Variants in SORCS2 observed in about 807,000 individuals in gnomAD.
SORCS2 encodes VPS10 domain-containing receptor SorCS2.
In SORCS2, 100 loss-of-function variants were observed where a neutral mutation model predicts 141.6. That is an observed-to-expected ratio of 0.71 (90% CI 0.60 to 0.83). SORCS2 has a LOEUF of 0.83. Among genes scored for constraint, SORCS2 ranks in the 40% least tolerant of loss-of-function variants. The probability of loss-of-function intolerance (pLI) is 0.00; values close to 1 mark genes in which losing one functional copy is unlikely to be tolerated. For missense variants in SORCS2, 1,646 were observed against 1,560.2 expected, an observed-to-expected ratio of 1.05 and a Z score of -0.93; for synonymous variants, 789 against 676.9, an observed-to-expected ratio of 1.17 and a Z score of -2.57.
intron 1 of SORCS2, among the ~76,000 whole-genome samples, chr4:7,369,118 C>T (rs938323082): frequency 1.3e-5 from 2 of 152,094 alleles, no homozygotes; most frequent in African/African-American, 4.8e-5. Context: ...ACCAGCCTGG[C>T]TAACATGGTG....
At chr4:7,403,997 A>ATATATATATTTTTT (rs1265288820) in intron 2 of SORCS2, among the ~76,000 whole-genome samples, 1 of 19,004 alleles carries the variant, frequency 5.3e-5, no homozygotes, top group Non-Finnish European at 1.2e-4. Flanking sequence ...ATATATATAT[A>ATATATATATTTTTT]TTTTTTTTTT....
chr4:7,261,090 C>T (rs1714288821), intron 1 of SORCS2, among the ~76,000 whole-genome samples: 1 of 152,212 alleles, frequency 6.6e-6, no homozygotes, highest in South Asian at 2.1e-4. Context: ...CTGGCTTTCC[C>T]CTGTATGGTC....
intron 3 of SORCS2, among the ~76,000 whole-genome samples, chr4:7,565,867 GAT>G: frequency 6.9e-6 from 1 of 145,194 alleles, no homozygotes; most frequent in South Asian, 2.3e-4. Flanking sequence ...TGATGGTGAT[GAT>G]GTGATGATGG....
At chr4:7,444,077 G>A (rs1302583048) in intron 2 of SORCS2, among the ~76,000 whole-genome samples, 1 of 152,234 alleles carries the variant, frequency 6.6e-6, no homozygotes, top group East Asian at 1.9e-4. Context: ...CTCCTTCCCT[G>A]TTAGAAGAGG....
chr4:7,623,703 C>T (rs534539927), intron 3 of SORCS2, among the ~76,000 whole-genome samples: 1 of 152,280 alleles, frequency 6.6e-6, no homozygotes, highest in African/African-American at 2.4e-5. Flanking sequence ...TGGTCTTACC[C>T]CACTCCCCCT....
chr4:7,626,884 G>A (rs961012219), intron 3 of SORCS2, among the ~76,000 whole-genome samples: 17 of 152,124 alleles, frequency 1.1e-4, no homozygotes, highest in Non-Finnish European at 2.2e-4. Context: ...TGAAAAATTC[G>A]AGTCCCAGTA....
Position 7,531,640 on chromosome 4 carries a change from G to T in SORCS2, c.648+11G>T. On this transcript the variant is annotated intron_variant, in intron 3 of 26. Transcript: ENST00000507866. Reference sequence around the variant, plus strand: ...ACCAACAAGAGGAAGGTAGGTGCTGGCTGGGGGTGGCCGCCACTCTGGCTC... The same window carrying T: ...ACCAACAAGAGGAAGGTAGGTGCTGTCTGGGGGTGGCCGCCACTCTGGCTC... The T allele has an allele frequency of 1.9e-6, 3 of 1,610,098 alleles. No individual in the cohort carries two copies. Among genetic ancestry groups the T allele is most frequent in the Non-Finnish European group, 2.5e-6 (3 of 1,178,034 alleles).
intron 2 of SORCS2, among the ~76,000 whole-genome samples, chr4:7,501,049 T>C (rs2109429609): frequency 6.6e-6 from 1 of 152,322 alleles, no homozygotes; most frequent in African/African-American, 2.4e-5. Flanking sequence ...GGTGATTTCA[T>C]CTTGGGACCG....
intron 25 of SORCS2, among the ~76,000 whole-genome samples, chr4:7,736,405 G>A (rs1004013004): frequency 3.8e-4 from 58 of 152,228 alleles, no homozygotes; most frequent in African/African-American, 1.3e-3. Flanking sequence ...GAGGGCTGGC[G>A]ATGTTCATCA....
chr4:7,665,369 A>C (rs1384635072), intron 7 of SORCS2, among the ~76,000 whole-genome samples: 2 of 152,156 alleles, frequency 1.3e-5, no homozygotes, highest in Non-Finnish European at 2.9e-5. Flanking sequence ...CACTGATCCT[A>C]ACCTCCAGCC....
chr4:7,279,979 C>A (rs373831070), intron 1 of SORCS2, among the ~76,000 whole-genome samples: 14 of 151,510 alleles, frequency 9.2e-5, no homozygotes, highest in African/African-American at 3.4e-4. Flanking sequence ...AAACTTCAGA[C>A]CTCAAAGCTG....
chr4:7,242,700 A>G (rs1712785455), intron 1 of SORCS2, among the ~76,000 whole-genome samples: 1 of 152,162 alleles, frequency 6.6e-6, no homozygotes, highest in South Asian at 2.1e-4. Context: ...CTTTTGGGTG[A>G]AGCTTTCCCA....
At chr4:7,200,723 C>G (rs1207264463) in intron 1 of SORCS2, among the ~76,000 whole-genome samples, 1 of 152,116 alleles carries the variant, frequency 6.6e-6, no homozygotes, top group Non-Finnish European at 1.5e-5. Flanking sequence ...GCTGTTCACG[C>G]TTGGATGAGG....
chr4:7,510,758 T>C (rs1732590200), intron 2 of SORCS2, among the ~76,000 whole-genome samples: 2 of 61,706 alleles, frequency 3.2e-5, no homozygotes, highest in South Asian at 5.9e-4. Flanking sequence ...CCTTCCCAGA[T>C]ACCCGCATGG....
At chr4:7,690,577 G>A (rs1237523811) in intron 11 of SORCS2, among the ~76,000 whole-genome samples, 1 of 151,712 alleles carries the variant, frequency 6.6e-6, no homozygotes, top group Admixed American at 6.6e-5. Flanking sequence ...GTGGTGGATA[G>A]GCAGATGGAT....
intron 8 of SORCS2, 83 bp downstream of exon 8, chr4:7,667,296 G>T: frequency 7.9e-7 from 1 of 1,258,804 alleles, no homozygotes; most frequent in Non-Finnish European, 1.2e-6. Flanking sequence ...CTCACACACA[G>T]GTGCTTGGCG....
rs190768180 is a variant in SORCS2 at position 7,215,377 on chromosome 4, T to G, written c.480+22251T>G. On this transcript the variant is annotated intron_variant, in intron 1 of 26. Transcript: ENST00000507866. ...TAGCTGCCTTTCCGCGGGGCAGGGCTCGGGACCTGCAGCCCGCCATGCCTG... is the reference window on the plus strand; with the variant it reads ...TAGCTGCCTTTCCGCGGGGCAGGGCGCGGGACCTGCAGCCCGCCATGCCTG... Among the ~76,000 whole-genome samples, 1,420 of 152,304 alleles carry G rather than the reference T, an allele frequency of 9.3e-3. 19 individuals are homozygous for G. Among genetic ancestry groups the G allele is most frequent in the African/African-American group, 0.032 (1,340 of 41,560 alleles).
chr4:7,225,790 G>C (rs931212785), intron 1 of SORCS2, among the ~76,000 whole-genome samples: 1 of 152,222 alleles, frequency 6.6e-6, no homozygotes, highest in Non-Finnish European at 1.5e-5. Flanking sequence ...CTGTGGACCA[G>C]TTGGGGCTTC....
At chr4:7,389,118 G>A (rs1723694110) in intron 1 of SORCS2, among the ~76,000 whole-genome samples, 1 of 152,176 alleles carries the variant, frequency 6.6e-6, no homozygotes, top group Admixed American at 6.5e-5. Flanking sequence ...CGGCTTGTTG[G>A]TGAACAAATT....
Sources: gnomAD v4.1 joint callset for allele counts (sites outside exome capture counted in the v4.1 genomes callset) on GRCh38, gnomAD v4.1.1 for gene constraint, MANE v1.5 for transcripts, NCBI Gene and HGNC (gene_info 2026-07-23, HGNC 2026-07-21) for gene names.